Variants in SEL1L3 observed in about 807,000 individuals in gnomAD.
SEL1L3 encodes SEL1L family member 3.
A neutral mutation model predicts 142.8 loss-of-function variants in SEL1L3; 76 were observed. The observed-to-expected ratio is 0.53, with a 90% CI of 0.44 to 0.64. SEL1L3 has a LOEUF of 0.64. Among genes scored for constraint, SEL1L3 ranks in the 30% least tolerant of loss-of-function variants. The pLI, the probability that SEL1L3 is intolerant of heterozygous loss-of-function variation, is 0.00. For synonymous variants in SEL1L3, 504 were observed against 519.6 expected, an observed-to-expected ratio of 0.97 and a Z score of 0.41; for missense variants, 1,262 against 1,381.7, an observed-to-expected ratio of 0.91 and a Z score of 1.37.
rs1713423625 is a variant in SEL1L3, at chr4:25,804,613, T to A, written c.1704A>T (p.Gly568=). Residue 568 remains glycine, a synonymous_variant, in exon 10 of 24, where the codon GGA becomes GGT. Coordinates refer to ENST00000399878, the MANE Select transcript of SEL1L3 (RefSeq NM_015187.5). ...CAAGGTAGTAGGATGCTTTATGGTA[T>A]CCACAGCAGCTGGAATCCGTCAGAA... The part of the protein sequence containing the change: ...VPFLTDSSCC[G]YHKASYYLAV... 2 of 1,613,834 alleles carry A rather than the reference T, an allele frequency of 1.2e-6. No homozygotes were observed. Among genetic ancestry groups the A allele is most frequent in the African/African-American group, 1.3e-5 (1 of 74,926 alleles).
chr4:25,810,352 G>C (rs570961451), intron 9 of SEL1L3, among the ~76,000 whole-genome samples: 1 of 152,056 alleles, frequency 6.6e-6, no homozygotes, highest in Non-Finnish European at 1.5e-5. Flanking sequence ...CCAAGAGCCC[G>C]GACTGCCACT....
At chr4:25,786,512 G>C (rs1481240605) in intron 13 of SEL1L3, among the ~76,000 whole-genome samples, 2 of 152,178 alleles carry the variant, frequency 1.3e-5, no homozygotes, top group African/African-American at 4.8e-5. Context: ...TAGGTTGTGA[G>C]ATCTTGGTAG....
At chr4:25,819,374 C>T (rs1000041555) in intron 8 of SEL1L3, among the ~76,000 whole-genome samples, 4 of 152,226 alleles carry the variant, frequency 2.6e-5, no homozygotes, top group Non-Finnish European at 4.4e-5. Context: ...ACAAAGTCAC[C>T]ATTCAACATT....
intron 1 of SEL1L3, among the ~76,000 whole-genome samples, chr4:25,858,434 C>G (rs959669998): frequency 1.3e-5 from 2 of 152,230 alleles, no homozygotes; most frequent in Non-Finnish European, 2.9e-5. Flanking sequence ...AATGAATACT[C>G]TTAGATGGAT....
chr4:25,820,876 G>C (rs1212339803), intron 7 of SEL1L3, among the ~76,000 whole-genome samples: 1 of 152,122 alleles, frequency 6.6e-6, no homozygotes, highest in Non-Finnish European at 1.5e-5. Flanking sequence ...TGCCTCCTGG[G>C]TTCAAGTGAG....
At chr4:25,844,390 G>A (rs1171681447) in intron 2 of SEL1L3, among the ~76,000 whole-genome samples, 1 of 152,176 alleles carries the variant, frequency 6.6e-6, no homozygotes, top group Non-Finnish European at 1.5e-5. Flanking sequence ...GGTGCATGGA[G>A]CTCCCCACCA....
chr4:25,716,465 T>G, the SEL1L3 span, among the ~76,000 whole-genome samples: 5 of 152,162 alleles, frequency 3.3e-5, no homozygotes, highest in African/African-American at 1.2e-4. Flanking sequence ...GTAGAAAATA[T>G]GCATGCCCTT....
chr4:25,780,204 C>T (rs1301019242), intron 15 of SEL1L3, among the ~76,000 whole-genome samples: 2 of 152,078 alleles, frequency 1.3e-5, no homozygotes, highest in Admixed American at 1.3e-4. Context: ...CCTGCTGCCT[C>T]GACCTTCCAA....
intron 19 of SEL1L3, among the ~76,000 whole-genome samples, chr4:25,765,732 G>A (rs1235549395): frequency 6.6e-6 from 1 of 151,958 alleles, no homozygotes; most frequent in East Asian, 1.9e-4. Flanking sequence ...TTGACTTCCT[G>A]GGCTCAAGTG....
intron 1 of SEL1L3, among the ~76,000 whole-genome samples, chr4:25,856,984 T>C (rs1185483408): frequency 1.3e-5 from 2 of 152,208 alleles, no homozygotes; most frequent in Non-Finnish European, 2.9e-5. Context: ...TGGGTGGGTA[T>C]GACAAGAAAA....
chr4:25,770,189 G>C (rs1719058281), intron 17 of SEL1L3: 1 of 152,168 alleles, frequency 6.6e-6, no homozygotes, highest in East Asian at 1.9e-4. Flanking sequence ...GAATGGGTGG[G>C]GGAGATGGAG....
chr4:25,806,224 A>G (rs1713562047), intron 9 of SEL1L3, among the ~76,000 whole-genome samples: 1 of 151,624 alleles, frequency 6.6e-6, no homozygotes, highest in South Asian at 2.1e-4. Context: ...ATTTTAGTAG[A>G]GAGAGGGTTT....
chr4:25,813,063 G>A (rs1027367664), intron 9 of SEL1L3, among the ~76,000 whole-genome samples: 1 of 152,170 alleles, frequency 6.6e-6, no homozygotes, highest in South Asian at 2.1e-4. Flanking sequence ...TTCTGAGGAT[G>A]TGGAGAAATT....
At chr4:25,822,673 ACAGC>A (rs1714837745) in intron 6 of SEL1L3, among the ~76,000 whole-genome samples, 1 of 152,238 alleles carries the variant, frequency 6.6e-6, no homozygotes, top group Admixed American at 6.5e-5. Context: ...GGAGGAGGCC[ACAGC>A]CAGGTCAGAG....
intron 1 of SEL1L3, chr4:25,862,300 A>C (rs868699181): frequency 4.8e-3 from 101 of 20,878 alleles, no homozygotes; most frequent in Admixed American, 0.025. Context: ...GAAGCCCAGG[A>C]GGGGTGGGGG....
In SEL1L3 at chr4:25,765,309, T is replaced by G; in HGVS notation, c.2955+17A>C. 1 of 1,551,388 alleles carries G rather than the reference T, an allele frequency of 6.4e-7. No homozygotes were observed. The highest frequency in any genetic ancestry group is 8.9e-7 in the Non-Finnish European group (1 of 1,123,382). ...GTGCCCGGCCAAGAGCTGGTTTTTG[T>G]TGCGGTTGCTGTTTACCTGGGAGTC... On this transcript the variant is annotated intron_variant, in intron 20 of 23. Coordinates refer to ENST00000399878, the MANE Select transcript of SEL1L3 (RefSeq NM_015187.5).
chr4:25,735,954 C>T, the SEL1L3 span, among the ~76,000 whole-genome samples: 2 of 150,574 alleles, frequency 1.3e-5, no homozygotes, highest in Admixed American at 6.6e-5. Flanking sequence ...CTCAGCCTCC[C>T]AAGTAGCTGG....
intron 12 of SEL1L3, among the ~76,000 whole-genome samples, chr4:25,789,811 G>A (rs896285610): frequency 1.3e-5 from 2 of 152,078 alleles, no homozygotes; most frequent in East Asian, 1.9e-4. Context: ...CTCCCACAAA[G>A]GGCTCCTCTT....
At position 25,831,991 on chromosome 4, in the gene SEL1L3, C is replaced by T. The variant is rs188811566; in HGVS notation, c.1098+1004G>A. 1.1e-3 allele frequency among the ~76,000 whole-genome samples: 172 copies of T among 152,328 alleles called. 1 individual carries two copies. The highest frequency in any genetic ancestry group is 3.4e-3 in the Middle Eastern group (1 of 294). Reference sequence around the variant, plus strand: ...CTCAGGGACAACAGCACTGAGCTGACCTTCTCCGTAAGAGAAAGCATCAAC... The same window carrying T: ...CTCAGGGACAACAGCACTGAGCTGATCTTCTCCGTAAGAGAAAGCATCAAC... On this transcript the variant is annotated intron_variant, in intron 5 of 23. Coordinates refer to ENST00000399878, the MANE Select transcript of SEL1L3 (RefSeq NM_015187.5).
Sources: allele counts gnomAD v4.1 joint callset (sites outside exome capture counted in the v4.1 genomes callset), GRCh38; gene constraint gnomAD v4.1.1; transcripts MANE v1.5; gene names NCBI Gene and HGNC (gene_info 2026-07-23, HGNC 2026-07-21).